MAP2K5: variants seen among roughly 807,000 people sequenced by gnomAD.
The protein encoded by MAP2K5 is dual specificity mitogen-activated protein kinase kinase 5.
In MAP2K5, 49 loss-of-function variants were observed where a neutral mutation model predicts 83.1. The ratio of observed to expected loss-of-function variants is 0.59; its 90% CI spans 0.47 to 0.75. MAP2K5 has a LOEUF of 0.75. Ranked by LOEUF, MAP2K5 falls within the 30% of genes least tolerant of loss-of-function variation. The probability of loss-of-function intolerance (pLI) is 0.00; values close to 1 mark genes in which losing one functional copy is unlikely to be tolerated. For synonymous variants in MAP2K5, 202 were observed against 191.8 expected, an observed-to-expected ratio of 1.05 and a Z score of -0.44; for missense variants, 457 against 557.5, an observed-to-expected ratio of 0.82 and a Z score of 1.82.
intron 8 of MAP2K5, among the ~76,000 whole-genome samples, chr15:67,607,545 A>G (rs1037710196): frequency 6.6e-6 from 1 of 152,200 alleles, no homozygotes; most frequent in Non-Finnish European, 1.5e-5. Flanking sequence ...CCAACATGAC[A>G]GGATGTCACA....
chr15:67,683,452 C>T (rs748888311), intron 13 of MAP2K5, among the ~76,000 whole-genome samples: 1 of 152,116 alleles, frequency 6.6e-6, no homozygotes, highest in Non-Finnish European at 1.5e-5. Flanking sequence ...GAACAAAAGA[C>T]AAAAGCAAAC....
intron 13 of MAP2K5, among the ~76,000 whole-genome samples, chr15:67,675,405 T>G (rs889641279): frequency 6.6e-6 from 1 of 152,082 alleles, no homozygotes; most frequent in African/African-American, 2.4e-5. Context: ...ATTATAGAAA[T>G]GGAGAGAGCA....
At chr15:67,667,554 C>T (rs1217165053) in intron 13 of MAP2K5, among the ~76,000 whole-genome samples, 3 of 152,004 alleles carry the variant, frequency 2.0e-5, no homozygotes, top group African/African-American at 7.2e-5. Context: ...AAGAGAAATA[C>T]TAATGAGTGA....
At chr15:67,678,018 G>C (rs1037526666) in intron 13 of MAP2K5, among the ~76,000 whole-genome samples, 1 of 152,158 alleles carries the variant, frequency 6.6e-6, no homozygotes, top group Admixed American at 6.5e-5. Flanking sequence ...ATGTGATGGA[G>C]TCATTAGAAT....
chr15:67,723,849 A>G (rs891647907), intron 16 of MAP2K5, among the ~76,000 whole-genome samples: 3 of 151,728 alleles, frequency 2.0e-5, no homozygotes, highest in Admixed American at 2.0e-4. Context: ...GGCCTAATCT[A>G]TTTGCTTTGT....
chr15:67,695,173 T>C (rs2088219480), intron 15 of MAP2K5, among the ~76,000 whole-genome samples: 1 of 151,660 alleles, frequency 6.6e-6, no homozygotes, highest in Non-Finnish European at 1.5e-5. Flanking sequence ...GACGAGTTAG[T>C]GGGTGCAGTG....
intron 21 of MAP2K5, among the ~76,000 whole-genome samples, chr15:67,804,901 A>T (rs2090772454): frequency 6.6e-6 from 1 of 152,154 alleles, no homozygotes; most frequent in South Asian, 2.1e-4. Flanking sequence ...TATGGGGAGG[A>T]GAACACTTGG....
At chr15:67,544,670 C>T (rs1596538664) in intron 1 of MAP2K5, among the ~76,000 whole-genome samples, 1 of 152,184 alleles carries the variant, frequency 6.6e-6, no homozygotes, top group Non-Finnish European at 1.5e-5. Flanking sequence ...AAGACAGAAG[C>T]GGACATTCCG....
At chr15:67,792,370 T>A (rs2090532609) in intron 21 of MAP2K5, among the ~76,000 whole-genome samples, 1 of 152,226 alleles carries the variant, frequency 6.6e-6, no homozygotes, top group Admixed American at 6.5e-5. Flanking sequence ...AACACTTGGA[T>A]ACACCTCTCA....
rs986155877 is a variant in MAP2K5 at position 67,785,917 on chromosome 15, C to A, written c.1242+13165C>A. On this transcript the variant is annotated intron_variant, in intron 21 of 21. Coordinates refer to ENST00000178640, the MANE Select transcript of MAP2K5 (RefSeq NM_145160.3). The surrounding 1 kb of genome is among the most constrained non-coding windows in gnomAD (Gnocchi z 4.4). Reference sequence around the variant, plus strand: ...CAGGCACTACCTCTAGGAAACTGGGCAGGCAACAGCTGTTTACTTAGCCCA... The same window carrying A: ...CAGGCACTACCTCTAGGAAACTGGGAAGGCAACAGCTGTTTACTTAGCCCA... 6.6e-6 allele frequency among the ~76,000 whole-genome samples: 1 copy of A among 152,142 alleles called. No individual in the cohort carries two copies. Among genetic ancestry groups the A allele is most frequent in the African/African-American group, 2.4e-5 (1 of 41,426 alleles).
chr15:67,799,680 T>A (rs1479454210), intron 21 of MAP2K5, among the ~76,000 whole-genome samples: 1 of 152,222 alleles, frequency 6.6e-6, no homozygotes, highest in African/African-American at 2.4e-5. Context: ...AGAGCCTGCC[T>A]GGAGGCTCAG....
At position 67,777,614 on chromosome 15, in the gene MAP2K5, TG is replaced by T. The variant is rs1172114667; in HGVS notation, c.1242+4863del. Among the ~76,000 whole-genome samples, 2 of 152,256 alleles carry T rather than the reference TG, an allele frequency of 1.3e-5. No homozygotes were observed. Among genetic ancestry groups the T allele is most frequent in the Non-Finnish European group, 2.9e-5 (2 of 68,048 alleles). On this transcript the variant is annotated intron_variant, in intron 21 of 21. Transcript: ENST00000178640. This position sits in a 1 kb window ranked among gnomAD's most constrained non-coding sequence, Gnocchi z 6.0. ...AAATGCGTGAGGCACAGCTGGATAT[TG>T]CAGAGGAGTTTGATTTACTAATAGT...
At chr15:67,567,738 CTAAA>C (rs1344929746) in intron 3 of MAP2K5, among the ~76,000 whole-genome samples, 1 of 152,190 alleles carries the variant, frequency 6.6e-6, no homozygotes, top group Non-Finnish European at 1.5e-5. Flanking sequence ...ATTCTGAAAA[CTAAA>C]TACCTGATCA....
At chr15:67,683,548 G>T (rs1253991435) in intron 13 of MAP2K5, among the ~76,000 whole-genome samples, 1 of 152,102 alleles carries the variant, frequency 6.6e-6, no homozygotes, top group Non-Finnish European at 1.5e-5. Flanking sequence ...GATCACTTGA[G>T]GTCAGGAGTT....
chr15:67,683,301 G>A (rs2087868725), intron 13 of MAP2K5, among the ~76,000 whole-genome samples: 2 of 152,132 alleles, frequency 1.3e-5, no homozygotes, highest in African/African-American at 4.8e-5. Flanking sequence ...CTTAACCCAA[G>A]ATTTAAAGGG....
intron 19 of MAP2K5, among the ~76,000 whole-genome samples, chr15:67,754,680 A>G (rs554620812): frequency 1.7e-3 from 255 of 152,334 alleles, no homozygotes; most frequent in Non-Finnish European, 2.4e-3. Flanking sequence ...ATACCTTGAT[A>G]TTCACAAAAT....
chr15:67,728,584 G>A (rs1471730878), intron 17 of MAP2K5, among the ~76,000 whole-genome samples: 3 of 152,082 alleles, frequency 2.0e-5, no homozygotes, highest in African/African-American at 7.2e-5. Context: ...AGTTTGTGGG[G>A]GAAATAAGTG....
At chr15:67,723,948 A>G (rs889573780) in intron 16 of MAP2K5, among the ~76,000 whole-genome samples, 1 of 152,212 alleles carries the variant, frequency 6.6e-6, no homozygotes, top group Non-Finnish European at 1.5e-5. Context: ...CTGAACTTAA[A>G]CCATTTTACT....
chr15:67,692,532 G>T lies in MAP2K5; in HGVS notation c.901G>T (p.Asp301Tyr). 6.2e-7 allele frequency: 1 copy of T among 1,613,520 alleles called. No individual in the cohort carries two copies. The highest frequency in any genetic ancestry group is 1.1e-5 in the South Asian group (1 of 91,040). ...CACAAGAGGACAGGTTAAGCTGTGT[G>T]ATTTTGGAGTTAGCACTCAGGTATG... is the stretch of plus-strand genomic sequence containing the variant. ...VNTRGQVKLCDFGVSTQLVNS... is the reference protein window; with the variant it reads ...VNTRGQVKLCYFGVSTQLVNS... The change falls in exon 14 of 22, where the codon GAT (aspartate) becomes TAT (tyrosine). Residue 301 changes from aspartate (D) to tyrosine (Y), a missense_variant. Coordinates refer to ENST00000178640, the MANE Select transcript of MAP2K5 (RefSeq NM_145160.3).
Sources: gnomAD v4.1 joint callset for allele counts (sites outside exome capture counted in the v4.1 genomes callset) on GRCh38, gnomAD v4.1.1 for gene constraint, Gnocchi (gnomAD v3.1) non-coding constraint, MANE v1.5 for transcripts, NCBI Gene and HGNC (gene_info 2026-07-23, HGNC 2026-07-21) for gene names.